The following PTPN13 variants were observed in gnomAD, a reference collection of about 807,000 sequenced individuals.
PTPN13 encodes tyrosine-protein phosphatase non-receptor type 13.
In PTPN13, 191 loss-of-function variants were observed where a neutral mutation model predicts 284.0. The observed-to-expected ratio is 0.67, with a 90% confidence interval of 0.60 to 0.76. PTPN13 has a LOEUF of 0.76. Ranked by LOEUF, PTPN13 falls within the 30% of genes least tolerant of loss-of-function variation. The pLI is 0.00. For synonymous variants in PTPN13, 986 were observed against 1,022.3 expected (o/e 0.96, Z 0.68); for missense variants, 2,797 against 2,939.9 (o/e 0.95, Z 1.12).
rs1726105938 is a variant in PTPN13 at position 86,658,459 on chromosome 4, G to A, written c.116-13906G>A. Among the ~76,000 whole-genome samples the A allele has an allele frequency of 1.3e-5, 2 of 152,136 alleles. 1 individual carries two copies. The highest frequency in any genetic ancestry group is 4.8e-5 in the African/African-American group (2 of 41,424). ...TATGAAGATGCTTTCTTGCATGGAT[G>A]GTTGTTCAATTTAGTGTTCCTGATG... On this transcript the variant is annotated intron_variant, in intron 2 of 47. Transcript: ENST00000411767.
intron 5 of PTPN13, among the ~76,000 whole-genome samples, chr4:86,693,284 T>C (rs1730230975): frequency 6.6e-6 from 1 of 152,192 alleles, no homozygotes; most frequent in South Asian, 2.1e-4. Flanking sequence ...ACTTCAAGTT[T>C]ACTGTTTTCA....
chr4:86,705,551 TAAAC>T (rs1731664590), intron 7 of PTPN13, among the ~76,000 whole-genome samples: 1 of 152,192 alleles, frequency 6.6e-6, no homozygotes, highest in African/African-American at 2.4e-5. Flanking sequence ...ATTTCTTTCT[TAAAC>T]TATTTGTGTT....
intron 40 of PTPN13, among the ~76,000 whole-genome samples, chr4:86,794,650 C>T (rs1324725140): frequency 6.6e-6 from 1 of 152,158 alleles, no homozygotes; most frequent in African/African-American, 2.4e-5. Context: ...TCAAACTATA[C>T]TACAAGGCTA....
rs201451859 is a variant in PTPN13 at position 86,734,475 on chromosome 4, C to T, written c.2012+19C>T. 4 of 1,506,178 alleles carry T rather than the reference C, an allele frequency of 2.7e-6. No individual in the cohort carries two copies. The highest frequency in any genetic ancestry group is 2.0e-4 in the Middle Eastern group (1 of 5,088). The allele number at this position is 1,506,178 out of a possible 1,614,324, so 93.3% of individuals were successfully genotyped here. On this transcript the variant is annotated intron_variant, in intron 13 of 47. Coordinates refer to ENST00000411767, the MANE Select transcript of PTPN13 (RefSeq NM_080683.3). ...TAATACAGTGAGTACACAAGAGTTT[C>T]TCTTTTGCTCTTTTTGGACACTGGT...
chr4:86,744,934 A>G (rs975181020), intron 16 of PTPN13, 32 bp from the exon 17 acceptor site: 9 of 1,448,148 alleles, frequency 6.2e-6, no homozygotes, highest in African/African-American at 2.8e-5. Context: ...TCTACTTACT[A>G]TAATTATGAA....
At position 86,785,227 on chromosome 4, in the gene PTPN13, C is replaced by G; in HGVS notation, c.6119-4C>G. 6.6e-7 allele frequency: 1 copy of G among 1,506,088 alleles called. No individual in the cohort carries two copies. The highest frequency in any genetic ancestry group is 9.0e-7 in the Non-Finnish European group (1 of 1,106,088). The allele number at this position is 1,506,088 out of a possible 1,614,324, so 93.3% of individuals were successfully genotyped here. A position where few individuals can be genotyped will look rare whatever the true frequency, so the allele number is the denominator to read the frequency against. ...AAACCCCATGTAAATTATTATTTTT[C>G]AAGAATCTTATATACAAGAAGATGA... On this transcript the variant is annotated splice_polypyrimidine_tract_variant and splice_region_variant and intron_variant, in intron 38 of 47. Transcript: ENST00000411767.
intron 1 of PTPN13, among the ~76,000 whole-genome samples, chr4:86,611,199 GTCAA>G (rs1765231339): frequency 6.6e-6 from 1 of 152,188 alleles, no homozygotes; most frequent in Non-Finnish European, 1.5e-5. Flanking sequence ...TCTGTAGAAA[GTCAA>G]TCACTTTGTG....
intron 3 of PTPN13, among the ~76,000 whole-genome samples, chr4:86,680,078 T>C (rs1457594901): frequency 6.6e-6 from 1 of 152,106 alleles, no homozygotes; most frequent in Non-Finnish European, 1.5e-5. Flanking sequence ...CATTAGAAAG[T>C]GAAATAAGGT....
rs1739772280 is a variant in PTPN13, at chr4:86,769,813, G to A, written c.4534G>A (p.Gly1512Arg). Residue 1512 changes from glycine to arginine, a missense_variant, in exon 29 of 48, where the codon GGA becomes AGA. Transcript: ENST00000411767. Reference protein sequence around the residue: ...VKLFKNSSGLGFSFSREDNLI... With the variant: ...VKLFKNSSGLRFSFSREDNLI... ...ATTATTTAAAAATAGCTCAGGTCTA[G>A]GATTCAGTTTTTCTCGAGAAGATAA... The A allele has an allele frequency of 6.2e-7, 1 of 1,613,068 alleles. No individual in the cohort carries two copies. Among genetic ancestry groups the A allele is most frequent in the Non-Finnish European group, 8.5e-7 (1 of 1,179,366 alleles).
intron 24 of PTPN13, 128 bp downstream of exon 24, chr4:86,763,318 C>T: frequency 2.6e-6 from 2 of 777,090 alleles, no homozygotes; most frequent in Non-Finnish European, 4.1e-6. Context: ...TTTATATCTT[C>T]TAATTGCTAC....
intron 1 of PTPN13, among the ~76,000 whole-genome samples, chr4:86,615,716 T>G (rs1168549274): frequency 6.6e-6 from 1 of 152,118 alleles, no homozygotes; most frequent in Admixed American, 6.6e-5. Flanking sequence ...TATTAGAAGG[T>G]ACATATATGA....
intron 45 of PTPN13, among the ~76,000 whole-genome samples, chr4:86,808,494 G>T (rs1205655485): frequency 2.0e-5 from 3 of 152,152 alleles, no homozygotes; most frequent in Non-Finnish European, 4.4e-5. Context: ...ATCCTAGCTA[G>T]ATGTGAGTAA....
rs981814326 is a variant in PTPN13, at chr4:86,672,325, C to T, written c.116-40C>T. ...GATTATAATTTTAAGCAATTTTCTTCTTTTTTTTTATTTTTTATTTTGGTG... is the reference window on the plus strand; with the variant it reads ...GATTATAATTTTAAGCAATTTTCTTTTTTTTTTTTATTTTTTATTTTGGTG... On this transcript the variant is annotated intron_variant, in intron 2 of 47. Coordinates refer to ENST00000411767, the MANE Select transcript of PTPN13 (RefSeq NM_080683.3). The T allele has an allele frequency of 2.7e-5, 39 of 1,447,918 alleles. No individual in the cohort carries two copies. The South Asian group carries it at 5.2e-4, about 19-fold the overall frequency. The allele number at this position is 1,447,918 out of a possible 1,614,324, so 89.7% of individuals were successfully genotyped here. A position where few individuals can be genotyped will look rare whatever the true frequency, so the allele number is the denominator to read the frequency against.
intron 1 of PTPN13, among the ~76,000 whole-genome samples, chr4:86,598,236 T>G (rs930258377): frequency 6.6e-6 from 1 of 152,000 alleles, no homozygotes; most frequent in African/African-American, 2.4e-5. Context: ...CCCCCGATCC[T>G]GGGTTCAAGC....
intron 47 of PTPN13, 48 bp from the exon 48 acceptor site, chr4:86,814,408 T>C (rs775816206): frequency 1.6e-6 from 2 of 1,221,018 alleles, no homozygotes; most frequent in Non-Finnish European, 2.3e-6. Flanking sequence ...ATATATAATA[T>C]TTACATTATA....
chr4:86,625,855 C>T (rs1053799679), intron 1 of PTPN13, among the ~76,000 whole-genome samples: 1 of 152,138 alleles, frequency 6.6e-6, no homozygotes, highest in Admixed American at 6.6e-5. Context: ...ATGTAAAGGA[C>T]AAATATGAAT....
At chr4:86,724,817 C>CT (rs113377197) in intron 10 of PTPN13, among the ~76,000 whole-genome samples, 1,541 of 148,006 alleles carry the variant, frequency 0.01, 17 homozygotes, top group African/African-American at 0.035. Flanking sequence ...CACTTTCATT[C>CT]TTTTTTTTTT....
chr4:86,641,021 G>A (rs1723724830), intron 2 of PTPN13, among the ~76,000 whole-genome samples: 2 of 152,112 alleles, frequency 1.3e-5, no homozygotes, highest in Non-Finnish European at 2.9e-5. Context: ...TTATTTGGAG[G>A]AAACAAATGC....
intron 1 of PTPN13, among the ~76,000 whole-genome samples, chr4:86,615,177 A>G (rs17011954): frequency 0.046 from 7,057 of 152,238 alleles, 221 homozygotes; most frequent in African/African-American, 0.06. Flanking sequence ...AGAAGATGGC[A>G]TATGCTATTG....
Sources: allele counts gnomAD v4.1 joint callset (sites outside exome capture counted in the v4.1 genomes callset), GRCh38; gene constraint gnomAD v4.1.1; transcripts MANE v1.5; gene names NCBI Gene and HGNC (gene_info 2026-07-23, HGNC 2026-07-21).